LUC7L2: variants seen among roughly 807,000 people sequenced by gnomAD.
The protein encoded by LUC7L2 is LUC7 like 2, pre-mRNA splicing factor.
LUC7L2 carries 25 observed loss-of-function variants against 52.8 expected under a neutral mutation model. That is an observed-to-expected ratio of 0.47 (90% confidence interval 0.34 to 0.66). The LOEUF is 0.66. LUC7L2 is among the 30% of genes least tolerant of loss of function. LUC7L2 has a pLI of 0.01. For synonymous variants in LUC7L2, 144 were observed against 160.9 expected, an observed-to-expected ratio of 0.89 and a Z score of 0.80; for missense variants, 328 against 497.8, an observed-to-expected ratio of 0.66 and a Z score of 3.25.
chr7:139,362,230 T>C (rs1405100239), intron 1 of LUC7L2, among the ~76,000 whole-genome samples: 2 of 152,174 alleles, frequency 1.3e-5, no homozygotes, highest in Non-Finnish European at 2.9e-5. Context: ...GTAAAAAATA[T>C]ACTACTTTCA....
intron 2 of LUC7L2, among the ~76,000 whole-genome samples, chr7:139,394,077 G>A (rs1794560323): frequency 6.6e-6 from 1 of 151,252 alleles, no homozygotes; most frequent in Admixed American, 6.6e-5. Context: ...GAAAAAAGAA[G>A]AATAGCTCAA....
intron 8 of LUC7L2, among the ~76,000 whole-genome samples, chr7:139,414,114 T>G (rs1211860492): frequency 6.6e-6 from 1 of 152,228 alleles, no homozygotes; most frequent in Non-Finnish European, 1.5e-5. Context: ...CTGGGCTCCT[T>G]AGTTCTCTGT....
chr7:139,390,125 G>T (rs1184286755), intron 2 of LUC7L2, among the ~76,000 whole-genome samples: 2 of 152,168 alleles, frequency 1.3e-5, no homozygotes, highest in African/African-American at 4.8e-5. Flanking sequence ...TGCACTCCAG[G>T]TTGGAAGGTC....
At chr7:139,382,739 A>G (rs1801102266) in intron 2 of LUC7L2, among the ~76,000 whole-genome samples, 1 of 152,136 alleles carries the variant, frequency 6.6e-6, no homozygotes, top group Non-Finnish European at 1.5e-5. Flanking sequence ...AAGTGATTAG[A>G]TGGGATTATT....
At position 139,420,521 on chromosome 7, in the gene LUC7L2, A is replaced by ACTAT. The variant is rs1257579299; in HGVS notation, c.1002-1639_1002-1636dup. Among the ~76,000 whole-genome samples the ACTAT allele has an allele frequency of 3.3e-5, 5 of 152,092 alleles. No individual in the cohort carries two copies. The South Asian group carries it at 1.0e-3, about 32-fold the overall frequency. The stretch of plus-strand genomic sequence containing the variant: ...TCCCACCTTGGCTAAGTAATTTATA[A>ACTAT]CTATCTCACCTGTCTTTCCCCATCT... On this transcript the variant is annotated intron_variant, in intron 9 of 9. Coordinates refer to ENST00000354926, the MANE Select transcript of LUC7L2 (RefSeq NM_016019.5).
chr7:139,397,970 C>T (rs1794732593), intron 2 of LUC7L2, among the ~76,000 whole-genome samples: 1 of 152,142 alleles, frequency 6.6e-6, no homozygotes, highest in African/African-American at 2.4e-5. Flanking sequence ...TGTCCCCAGA[C>T]AAGACTATAT....
At chr7:139,387,439 C>T (rs1267630262) in intron 2 of LUC7L2, among the ~76,000 whole-genome samples, 1 of 152,154 alleles carries the variant, frequency 6.6e-6, no homozygotes, top group Non-Finnish European at 1.5e-5. Flanking sequence ...CTTGGCCTTC[C>T]AAAGTGCTGG....
At chr7:139,353,889 C>T (rs888868495) in intron 1 of LUC7L2, among the ~76,000 whole-genome samples, 3 of 152,040 alleles carry the variant, frequency 2.0e-5, no homozygotes, top group African/African-American at 7.2e-5. Context: ...TCGAGGCAGG[C>T]GGATTGCCTG....
chr7:139,370,480 CAG>C (rs1388728974), intron 1 of LUC7L2, among the ~76,000 whole-genome samples: 8 of 152,294 alleles, frequency 5.3e-5, no homozygotes, highest in Middle Eastern at 3.4e-3. Context: ...TGGTTTGAGA[CAG>C]AGTCTTGCTC....
chr7:139,422,944 A>G lies in LUC7L2; in HGVS notation c.*604A>G, dbSNP rs576777189. On this transcript the variant is annotated 3_prime_UTR_variant, in exon 10 of 10. Coordinates refer to ENST00000354926, the MANE Select transcript of LUC7L2 (RefSeq NM_016019.5). ...GAGTTGGAAGTTGAACAGCTGTTGC[A>G]TTACATACTTTTGCTTTTTTATTGA... 1 of 398,822 alleles carries G rather than the reference A, an allele frequency of 2.5e-6. No homozygotes were observed. Among genetic ancestry groups the G allele is most frequent in the Admixed American group, 4.4e-5 (1 of 22,720 alleles). The allele number at this position is 398,822 out of a possible 1,614,324, so 24.7% of individuals were successfully genotyped here. A position where few individuals can be genotyped will look rare whatever the true frequency, so the allele number is the denominator to read the frequency against.
At chr7:139,384,973 C>T (rs1794128882) in intron 2 of LUC7L2, among the ~76,000 whole-genome samples, 1 of 150,978 alleles carries the variant, frequency 6.6e-6, no homozygotes, top group South Asian at 2.1e-4. Context: ...TTTAAAATAA[C>T]ACAATTCAGG....
chr7:139,395,890 C>T (rs1794640486), intron 2 of LUC7L2, among the ~76,000 whole-genome samples: 1 of 152,138 alleles, frequency 6.6e-6, no homozygotes, highest in Non-Finnish European at 1.5e-5. Flanking sequence ...TTAAGTGATC[C>T]TCCCACCTTG....
chr7:139,394,326 T>G (rs1238093846), intron 2 of LUC7L2, among the ~76,000 whole-genome samples: 1 of 152,216 alleles, frequency 6.6e-6, no homozygotes, highest in Non-Finnish European at 1.5e-5. Flanking sequence ...GCTCACATTT[T>G]AGTGAGTTAA....
Position 139,422,910 on chromosome 7 carries a change from G to C in LUC7L2, c.*570G>C, listed in dbSNP as rs1049965457. ...ATACTGGGGTTTTTTGTTTAATGGT[G>C]CCTATTTAGAGTTGGAAGTTGAACA... On this transcript the variant is annotated 3_prime_UTR_variant, in exon 10 of 10. Transcript: ENST00000354926. The C allele has an allele frequency of 2.0e-5, 8 of 398,854 alleles. No individual in the cohort carries two copies. In the East Asian group the frequency reaches 2.9e-4, roughly 14 times the overall value. The allele number at this position is 398,854 out of a possible 1,614,324, so 24.7% of individuals were successfully genotyped here.
At chr7:139,362,020 A>AT (rs1799909254) in intron 1 of LUC7L2, among the ~76,000 whole-genome samples, 1 of 151,652 alleles carries the variant, frequency 6.6e-6, no homozygotes, top group Non-Finnish European at 1.5e-5. Flanking sequence ...GCTAAATTTA[A>AT]ATATATATAT....
intron 6 of LUC7L2, among the ~76,000 whole-genome samples, 185 bp downstream of exon 6, chr7:139,407,535 A>T (rs2131295156): frequency 6.6e-6 from 1 of 152,342 alleles, no homozygotes. Flanking sequence ...AACAGACTTA[A>T]TATTATCCTG....
chr7:139,413,876 G>A (rs1044151109), intron 8 of LUC7L2, among the ~76,000 whole-genome samples: 3 of 152,104 alleles, frequency 2.0e-5, no homozygotes, highest in Non-Finnish European at 4.4e-5. Context: ...AATAAGTGGG[G>A]CCAGTTGTGT....
Position 139,402,172 on chromosome 7 carries a change from T to C in LUC7L2, c.291T>C (p.Cys97=). 1 of 1,609,574 alleles carries C rather than the reference T, an allele frequency of 6.2e-7. No individual in the cohort carries two copies. The highest frequency in any genetic ancestry group is 1.1e-5 in the South Asian group (1 of 89,958). ...MDHLQSFIAD[C]DRRTEVAKKR... ...ATCTGCAGTCATTCATTGCAGATTGTGATCGTAGAACAGAAGTGGCCAAGA... is the reference window on the plus strand; with the variant it reads ...ATCTGCAGTCATTCATTGCAGATTGCGATCGTAGAACAGAAGTGGCCAAGA... The change falls in exon 4 of 10, where the codon TGT becomes TGC. Residue 97 remains cysteine (C), a synonymous_variant. Coordinates refer to ENST00000354926, the MANE Select transcript of LUC7L2 (RefSeq NM_016019.5).
Position 139,417,534 on chromosome 7 carries a change from G to A in LUC7L2, c.810-4G>A, listed in dbSNP as rs774881703. The A allele has an allele frequency of 1.2e-5, 20 of 1,607,290 alleles. No homozygotes were observed. In the Middle Eastern group the frequency reaches 6.6e-4, roughly 53 times the overall value. ...TAGAAACAAAATCAAATCTTGTCTG[G>A]TAGATCCAGGTCCAGAGAGCATCGC... On this transcript the variant is annotated splice_region_variant and splice_polypyrimidine_tract_variant and intron_variant, in intron 8 of 9. Coordinates refer to ENST00000354926, the MANE Select transcript of LUC7L2 (RefSeq NM_016019.5).
Sources: gnomAD v4.1 joint callset for allele counts (sites outside exome capture counted in the v4.1 genomes callset) on GRCh38, gnomAD v4.1.1 for gene constraint, MANE v1.5 for transcripts, NCBI Gene and HGNC (gene_info 2026-07-23, HGNC 2026-07-21) for gene names.